CNTN5: variants seen among roughly 807,000 people sequenced by gnomAD.
CNTN5 encodes the protein contactin-5.
In CNTN5, 77 loss-of-function variants were observed where a neutral mutation model predicts 129.1. The ratio of observed to expected loss-of-function variants is 0.60; its 90% CI spans 0.50 to 0.72. The LOEUF is 0.72. Among genes scored for constraint, CNTN5 ranks in the 30% least tolerant of loss-of-function variants. The pLI, the probability that CNTN5 is intolerant of heterozygous loss-of-function variation, is 0.00. For missense variants in CNTN5, 1,478 were observed against 1,328.8 expected (o/e 1.11, Z -1.75); for synonymous variants, 509 against 465.6 (o/e 1.09, Z -1.20).
At chr11:99,967,645 G>C (rs554380591) in intron 8 of CNTN5, among the ~76,000 whole-genome samples, 1 of 152,032 alleles carries the variant, frequency 6.6e-6, no homozygotes, top group Non-Finnish European at 1.5e-5. Context: ...AGGCGCTTGC[G>C]TTCCACAAAA....
chr11:99,523,195 T>G (rs1252596000), intron 2 of CNTN5, among the ~76,000 whole-genome samples: 2 of 152,210 alleles, frequency 1.3e-5, no homozygotes, highest in Non-Finnish European at 2.9e-5. Flanking sequence ...GTTGACACTC[T>G]TCCTTTGTGT....
At chr11:100,238,469 AAGG>A (rs901302848) in intron 16 of CNTN5, among the ~76,000 whole-genome samples, 9 of 147,260 alleles carry the variant, frequency 6.1e-5, no homozygotes, top group Non-Finnish European at 1.2e-4. Flanking sequence ...GAAGAGGGAA[AAGG>A]AGGAGAAGCA....
intron 1 of CNTN5, among the ~76,000 whole-genome samples, chr11:99,122,246 T>C (rs1033488117): frequency 1.2e-4 from 19 of 152,292 alleles, no homozygotes; most frequent in African/African-American, 4.3e-4. Context: ...ACAGTTGTCA[T>C]AGTTTATTAA....
At position 100,150,449 on chromosome 11, in the gene CNTN5, G is replaced by T. The variant is rs1452423346; in HGVS notation, c.1581-40677G>T. Among the ~76,000 whole-genome samples, 4 of 151,698 alleles carry T rather than the reference G, an allele frequency of 2.6e-5. No homozygotes were observed. The East Asian group carries it at 5.8e-4, about 22-fold the overall frequency. ...ATGGCCATATGTTCAATTTTTGAAA[G>T]AATTTTATTTTTGAAAATGGCCTTT... On this transcript the variant is annotated intron_variant, in intron 13 of 24. Coordinates refer to ENST00000524871, the MANE Select transcript of CNTN5 (RefSeq NM_014361.4).
At chr11:99,422,513 T>C (rs1591655794) in intron 2 of CNTN5, among the ~76,000 whole-genome samples, 1 of 46,952 alleles carries the variant, frequency 2.1e-5, no homozygotes, top group South Asian at 6.9e-4. Flanking sequence ...TGTTACTTTA[T>C]ATTTTTATAT....
intron 1 of CNTN5, among the ~76,000 whole-genome samples, chr11:99,183,594 C>G (rs1328573100): frequency 6.6e-6 from 1 of 151,978 alleles, no homozygotes; most frequent in Non-Finnish European, 1.5e-5. Context: ...ACCTTCCTGG[C>G]AAAATTGTCT....
In CNTN5 at chr11:100,001,787, A is replaced by T. The variant is rs541208340; in HGVS notation, c.878-247A>T. Among the ~76,000 whole-genome samples the T allele has an allele frequency of 3.9e-5, 6 of 152,328 alleles. No homozygotes were observed. In the South Asian group the frequency reaches 1.0e-3, roughly 26 times the overall value. On this transcript the variant is annotated intron_variant, in intron 8 of 24. Transcript: ENST00000524871. ...AACTGTACTACTAATGTTGATTAAC[A>T]ATTTCAATAATTATTAGTTTAAATG... is the stretch of plus-strand genomic sequence containing the variant.
rs187805415 is a variant in CNTN5, at chr11:99,663,679, A to G, written c.55+107410A>G. Among the ~76,000 whole-genome samples the G allele has an allele frequency of 2.3e-3, 351 of 152,216 alleles. 1 individual carries two copies. The highest frequency in any genetic ancestry group is 4.0e-3 in the Non-Finnish European group (271 of 68,008). ...AGTTTTCACAAGATCTGATGGTTCT[A>G]TAACGAGCTCTTACCCCTTTGCTCT... is the stretch of plus-strand genomic sequence containing the variant. On this transcript the variant is annotated intron_variant, in intron 3 of 24. Coordinates refer to ENST00000524871, the MANE Select transcript of CNTN5 (RefSeq NM_014361.4).
In CNTN5 at chr11:99,907,892, G is replaced by T. The variant is rs185015263; in HGVS notation, c.578-8162G>T. Among the ~76,000 whole-genome samples the T allele has an allele frequency of 4.5e-3, 690 of 152,000 alleles. 3 individuals are homozygous for T. Among genetic ancestry groups the T allele is most frequent in the Non-Finnish European group, 7.1e-3 (483 of 67,918 alleles). ...TATCAAAATATAACATATTTTACTT[G>T]CTATTCATTGTAATAATGGGTATTA... is the stretch of plus-strand genomic sequence containing the variant. On this transcript the variant is annotated intron_variant, in intron 6 of 24. Coordinates refer to ENST00000524871, the MANE Select transcript of CNTN5 (RefSeq NM_014361.4).
intron 24 of CNTN5, 36 bp from the exon 25 acceptor site, chr11:100,356,081 G>A (rs768477182): frequency 7.0e-7 from 1 of 1,435,970 alleles, no homozygotes; most frequent in South Asian, 1.2e-5. Flanking sequence ...GCAAAACCAA[G>A]ATAATTTGCT....
chr11:99,957,979 TATAG>T (rs1458495171), intron 8 of CNTN5, among the ~76,000 whole-genome samples: 2 of 151,892 alleles, frequency 1.3e-5, no homozygotes, highest in East Asian at 1.9e-4. Flanking sequence ...TATATACATA[TATAG>T]ATAGAGATAC....
chr11:99,391,609 G>A (rs973154468), intron 2 of CNTN5, among the ~76,000 whole-genome samples: 2 of 151,988 alleles, frequency 1.3e-5, no homozygotes, highest in Non-Finnish European at 1.5e-5. Context: ...GGAAATGGCC[G>A]GAAGGAAAAT....
intron 18 of CNTN5, among the ~76,000 whole-genome samples, chr11:100,286,640 A>C (rs1400725384): frequency 6.7e-6 from 1 of 149,016 alleles, no homozygotes; most frequent in Admixed American, 6.7e-5. Flanking sequence ...AGTAGATAAA[A>C]CCACAAAGAT....
chr11:99,437,779 C>G (rs1943658831), intron 2 of CNTN5, among the ~76,000 whole-genome samples: 1 of 152,124 alleles, frequency 6.6e-6, no homozygotes, highest in Non-Finnish European at 1.5e-5. Flanking sequence ...GCTGAGATCG[C>G]ACACTTGCAA....
At chr11:100,072,275 C>T (rs1943950613) in intron 12 of CNTN5, among the ~76,000 whole-genome samples, 2 of 152,106 alleles carry the variant, frequency 1.3e-5, no homozygotes, top group Non-Finnish European at 2.9e-5. Context: ...AGACTCCAGG[C>T]TAAATCACTC....
At chr11:99,068,041 A>G (rs1472664670) in intron 1 of CNTN5, among the ~76,000 whole-genome samples, 1 of 152,140 alleles carries the variant, frequency 6.6e-6, no homozygotes, top group African/African-American at 2.4e-5. Flanking sequence ...CACCTTGTGA[A>G]GAAGGTGCCT....
chr11:99,730,158 A>G (rs2135091109), intron 3 of CNTN5, among the ~76,000 whole-genome samples: 1 of 152,290 alleles, frequency 6.6e-6, no homozygotes, highest in East Asian at 1.9e-4. Flanking sequence ...TTATATTGTG[A>G]ATAACTATTA....
chr11:99,645,668 A>G (rs1951932324), intron 3 of CNTN5, among the ~76,000 whole-genome samples: 1 of 152,122 alleles, frequency 6.6e-6, no homozygotes, highest in Admixed American at 6.6e-5. Flanking sequence ...TGAAGCTGGA[A>G]ACCATCATTC....
rs147196848 is a variant in CNTN5 at position 100,224,944 on chromosome 11, C to T, written c.2005+132C>T. 9.0e-3 allele frequency: 8,102 copies of T among 900,730 alleles called. 47 individuals carry two copies. The highest frequency in any genetic ancestry group is 0.01 in the Non-Finnish European group (6,695 of 645,414). 55.8% of individuals were successfully genotyped at this position (900,730 alleles called of 1,614,324 possible). A position where few individuals can be genotyped will look rare whatever the true frequency, so the allele number is the denominator to read the frequency against. On this transcript the variant is annotated intron_variant, in intron 16 of 24. Coordinates refer to ENST00000524871, the MANE Select transcript of CNTN5 (RefSeq NM_014361.4). ...TCAATTTTACAATATATGTTATTTT[C>T]GCTTAACCTTTTGCCTTTGAAAAAA...
Sources: gnomAD v4.1 joint callset for allele counts (sites outside exome capture counted in the v4.1 genomes callset) on GRCh38, gnomAD v4.1.1 for gene constraint, MANE v1.5 for transcripts, NCBI Gene and HGNC (gene_info 2026-07-23, HGNC 2026-07-21) for gene names.